Variants in CIB1 observed in about 807,000 individuals in gnomAD.
CIB1 encodes calcium and integrin binding 1.
A neutral mutation model predicts 25.0 loss-of-function variants in CIB1; 19 were observed. That is an observed-to-expected ratio of 0.76 (90% confidence interval 0.53 to 1.12). CIB1 has a LOEUF of 1.12. Among genes scored for constraint, CIB1 ranks in the 50% most tolerant of loss-of-function variants. CIB1 has a pLI of 0.00. For missense variants in CIB1, 236 were observed against 242.6 expected, an observed-to-expected ratio of 0.97 and a Z score of 0.18; for synonymous variants, 104 against 98.5, an observed-to-expected ratio of 1.06 and a Z score of -0.33.
chr15:90,260,430 G>A, the CIB1 span, among the ~76,000 whole-genome samples: 1 of 152,224 alleles, frequency 6.6e-6, no homozygotes, highest in Non-Finnish European at 1.5e-5. Context: ...CTGGGAGGCT[G>A]AGGTTATAGC....
upstream of CIB1, chr15:90,234,049 G>A (rs1321002112): frequency 2.5e-6 from 2 of 805,742 alleles, no homozygotes; most frequent in Non-Finnish European, 3.6e-6. Context: ...TTCCCAGCCG[G>A]GTTTGGCAGG....
chr15:90,230,816 G>A (rs1962460520), intron 6 of CIB1, 118 bp downstream of exon 6: 8 of 950,706 alleles, frequency 8.4e-6, no homozygotes, highest in African/African-American at 3.2e-5. Flanking sequence ...CCGGCCCTGT[G>A]TGTGGGGACT....
chr15:90,264,428 C>T, the CIB1 span, among the ~76,000 whole-genome samples: 2 of 152,272 alleles, frequency 1.3e-5, no homozygotes, highest in East Asian at 3.9e-4. Flanking sequence ...GAATCAGTCT[C>T]CCAAAGTGCT....
the CIB1 span, among the ~76,000 whole-genome samples, chr15:90,261,139 C>T: frequency 6.7e-6 from 1 of 149,906 alleles, no homozygotes; most frequent in East Asian, 2.0e-4. Context: ...AGTGCAGTGC[C>T]ACGATCTTGG....
In CIB1 at chr15:90,233,918, C is replaced by A. The variant is rs1477327754; in HGVS notation, c.-33G>T. ...CCGCGCGCACAGCTCCGCCAACTCG[C>A]CTCGAGACGCAGACAACTTTCTCAC... On this transcript the variant is annotated 5_prime_UTR_variant, in exon 1 of 7. Transcript: ENST00000328649. 2 of 1,448,610 alleles carry A rather than the reference C, an allele frequency of 1.4e-6. No homozygotes were observed. The highest frequency in any genetic ancestry group is 5.5e-5 in the Admixed American group (2 of 36,480). The allele number at this position is 1,448,610 out of a possible 1,614,324, so 89.7% of individuals were successfully genotyped here.
At chr15:90,265,695 A>C in the CIB1 span, 1 of 1,612,982 alleles carries the variant, frequency 6.2e-7, no homozygotes, top group Non-Finnish European at 8.5e-7. Context: ...CGACTGCTGA[A>C]GGCTGGTTTG....
chr15:90,233,627 G>A lies in CIB1; in HGVS notation c.86+42C>T, dbSNP rs1422731641. 1.9e-6 allele frequency: 3 copies of A among 1,558,816 alleles called. No homozygotes were observed. The Middle Eastern group carries it at 5.7e-4, about 294-fold the overall frequency. On this transcript the variant is annotated intron_variant, in intron 2 of 6. Transcript: ENST00000328649. ...GACAGCGCCCCCGAAGCTGTCTCTA[G>A]AGGATCCCGGGGTCGGAGGCAGGGT...
the CIB1 span, chr15:90,253,434 G>A: frequency 1.7e-6 from 2 of 1,208,084 alleles, no homozygotes; most frequent in Non-Finnish European, 2.3e-6. Flanking sequence ...CCACCTCCTT[G>A]CCCAGGCACC....
rs1403589628 is a variant in CIB1 at position 90,231,450 on chromosome 15, T to C, written c.253A>G (p.Ser85Gly). 6.2e-7 allele frequency: 1 copy of C among 1,614,236 alleles called. No homozygotes were observed. The highest frequency in any genetic ancestry group is 2.2e-5 in the East Asian group (1 of 44,888). Residue 85 changes from serine to glycine, a missense_variant, in exon 4 of 7, where the codon AGC becomes GGC. By Grantham distance (56) the Ser-to-Gly change is moderately conservative. Coordinates refer to ENST00000328649, the MANE Select transcript of CIB1 (RefSeq NM_006384.4). The part of the protein sequence containing the change: ...RVFSTSPAKD[S>G]LSFEDFLDLL... ...TCCAGGAAGTCCTCAAAGCTAAGGC[T>C]GTCTTTGGCTGGGGATGTGGAGAAG...
chr15:90,265,216 AAGCCTT>A, the CIB1 span: 2 of 1,351,730 alleles, frequency 1.5e-6, no homozygotes, highest in Non-Finnish European at 1.9e-6. Flanking sequence ...TCTGCTCATC[AAGCCTT>A]AGCCTGGGTT....
chr15:90,265,361 G>T, the CIB1 span: 1 of 1,228,144 alleles, frequency 8.1e-7, no homozygotes, highest in Non-Finnish European at 1.0e-6. Context: ...GAAGACTGCC[G>T]AGCGGAAGCC....
At chr15:90,256,455 C>G in the CIB1 span, among the ~76,000 whole-genome samples, 1 of 152,204 alleles carries the variant, frequency 6.6e-6, no homozygotes, top group African/African-American at 2.4e-5. Flanking sequence ...CAGAACCAGC[C>G]TGCCTGGGGT....
chr15:90,265,609 C>G, the CIB1 span: 2 of 1,463,476 alleles, frequency 1.4e-6, no homozygotes, highest in South Asian at 1.2e-5. Context: ...CGGGAAATAA[C>G]TTGCTACTAC....
the CIB1 span, chr15:90,255,980 G>T: frequency 1.9e-6 from 3 of 1,586,918 alleles, no homozygotes; most frequent in Non-Finnish European, 2.6e-6. Flanking sequence ...GTCTCAGAGG[G>T]ATGGAAGTGG....
chr15:90,242,026 A>G, the CIB1 span: 20 of 1,613,584 alleles, frequency 1.2e-5, no homozygotes, highest in Non-Finnish European at 1.6e-5. Context: ...GAAGACGTAC[A>G]GGCAGCACTG....
At chr15:90,255,623 T>C in the CIB1 span, 4 of 1,331,714 alleles carry the variant, frequency 3.0e-6, no homozygotes, top group African/African-American at 5.8e-5. Flanking sequence ...CTTGGGGTCC[T>C]TGGTGCAGTG....
chr15:90,246,601 CA>C, the CIB1 span, among the ~76,000 whole-genome samples: 1 of 117,198 alleles, frequency 8.5e-6, no homozygotes, highest in Non-Finnish European at 1.7e-5. Flanking sequence ...CCAGCCTGAC[CA>C]ACATGGTGAA....
chr15:90,264,819 A>C, the CIB1 span: 4 of 1,536,026 alleles, frequency 2.6e-6, no homozygotes, highest in African/African-American at 2.7e-5. Context: ...CTGCAACCGG[A>C]AAGAGTGGCA....
upstream of CIB1, chr15:90,233,970 C>G (rs1315738916): frequency 2.2e-6 from 3 of 1,384,366 alleles, no homozygotes; most frequent in Non-Finnish European, 1.9e-6. Context: ...CGTCACTGCC[C>G]GGTCCCCGCG....
Sources: allele counts gnomAD v4.1 joint callset (sites outside exome capture counted in the v4.1 genomes callset), GRCh38; gene constraint gnomAD v4.1.1; transcripts MANE v1.5; gene names NCBI Gene and HGNC (gene_info 2026-07-23, HGNC 2026-07-21).